THRAP3: variants seen among roughly 807,000 people sequenced by gnomAD.
THRAP3 encodes thyroid hormone receptor-associated protein 3.
THRAP3 carries 16 observed loss-of-function variants against 101.0 expected under a neutral mutation model. The observed-to-expected ratio is 0.16, with a 90% CI of 0.11 to 0.24. THRAP3 has a LOEUF of 0.24. Among genes scored for constraint, THRAP3 ranks in the 10% least tolerant of loss-of-function variants. THRAP3 has a pLI of 1.00. For synonymous variants in THRAP3, 407 were observed against 422.6 expected (o/e 0.96, Z 0.45); for missense variants, 989 against 1,202.7 (o/e 0.82, Z 2.63).
intron 2 of THRAP3, among the ~76,000 whole-genome samples, chr1:36,269,536 T>A (rs1329373678): frequency 6.6e-6 from 1 of 152,170 alleles, no homozygotes; most frequent in Non-Finnish European, 1.5e-5. Context: ...TGTTTGAGTT[T>A]GAGTTAGAAT....
chr1:36,303,690 G>A, intron 11 of THRAP3, 106 bp from the exon 12 acceptor site: 1 of 1,543,226 alleles, frequency 6.5e-7, no homozygotes, highest in Non-Finnish European at 8.7e-7. Flanking sequence ...GGCTGGGTTA[G>A]GGCACAGGTT....
chr1:36,295,560 C>T (rs1161001175), intron 8 of THRAP3, among the ~76,000 whole-genome samples: 1 of 145,666 alleles, frequency 6.9e-6, no homozygotes, highest in African/African-American at 2.8e-5. Flanking sequence ...TTCCTTCCTT[C>T]CTTCCTTCCT....
At chr1:36,281,422 C>G (rs2124579311) in intron 2 of THRAP3, among the ~76,000 whole-genome samples, 1 of 152,304 alleles carries the variant, frequency 6.6e-6, no homozygotes, top group South Asian at 2.1e-4. Context: ...TTAATAAGCA[C>G]CCTCATTCTT....
At chr1:36,226,573 T>C (rs1644964911) in intron 1 of THRAP3, among the ~76,000 whole-genome samples, 1 of 152,188 alleles carries the variant, frequency 6.6e-6, no homozygotes, top group African/African-American at 2.4e-5. Context: ...TTTATTATTT[T>C]TAGAATGGAT....
At chr1:36,235,674 G>A (rs1008209641) in intron 1 of THRAP3, among the ~76,000 whole-genome samples, 2 of 152,118 alleles carry the variant, frequency 1.3e-5, no homozygotes, top group Admixed American at 6.6e-5. Context: ...ATAAATTGCT[G>A]TAGACTTTTC....
the THRAP3 span, among the ~76,000 whole-genome samples, chr1:36,208,896 AG>A: frequency 7.1e-6 from 1 of 141,510 alleles, no homozygotes; most frequent in Non-Finnish European, 1.5e-5. Flanking sequence ...TGAACTCCTG[AG>A]TGCAAGTGAT....
At chr1:36,294,432 A>C (rs1570343972) in intron 8 of THRAP3, among the ~76,000 whole-genome samples, 1 of 152,330 alleles carries the variant, frequency 6.6e-6, no homozygotes, top group East Asian at 1.9e-4. Context: ...TTTAAAGCTA[A>C]AGATTACTTT....
chr1:36,279,740 C>T (rs1357547894), intron 2 of THRAP3, among the ~76,000 whole-genome samples: 1 of 152,154 alleles, frequency 6.6e-6, no homozygotes, highest in African/African-American at 2.4e-5. Flanking sequence ...GCTTGTTTCC[C>T]CTGTGAGATG....
intron 1 of THRAP3, among the ~76,000 whole-genome samples, chr1:36,254,631 G>A (rs1333474316): frequency 3.9e-5 from 6 of 152,178 alleles, no homozygotes. Context: ...TCCTGTCTTA[G>A]TGTGCAAGTA....
chr1:36,232,796 A>G (rs760301305), intron 1 of THRAP3, among the ~76,000 whole-genome samples: 4 of 152,008 alleles, frequency 2.6e-5, no homozygotes, highest in African/African-American at 9.7e-5. Flanking sequence ...GCAAGAGGGT[A>G]CTTTCTGGAG....
At chr1:36,243,438 G>A (rs1035177098) in intron 1 of THRAP3, among the ~76,000 whole-genome samples, 3 of 151,944 alleles carry the variant, frequency 2.0e-5, no homozygotes, top group African/African-American at 7.3e-5. Context: ...GTTTAACAAA[G>A]CACATCTTGC....
intron 10 of THRAP3, 25 bp downstream of exon 10, chr1:36,301,109 T>A: frequency 6.2e-7 from 1 of 1,608,780 alleles, no homozygotes; most frequent in Non-Finnish European, 8.5e-7. Flanking sequence ...TCTCCCCCTT[T>A]CTCTGAGACC....
intron 1 of THRAP3, among the ~76,000 whole-genome samples, chr1:36,259,181 C>T (rs984480123): frequency 1.3e-5 from 2 of 152,148 alleles, no homozygotes; most frequent in South Asian, 2.1e-4. Flanking sequence ...AAGGCTTTTG[C>T]TTTCCATACT....
intron 2 of THRAP3, among the ~76,000 whole-genome samples, chr1:36,264,475 C>T (rs887297277): frequency 1.3e-5 from 2 of 152,196 alleles, no homozygotes; most frequent in Non-Finnish European, 2.9e-5. Flanking sequence ...TACTTACTGC[C>T]GAACCTGGCC....
chr1:36,217,528 T>C, the THRAP3 span, among the ~76,000 whole-genome samples: 2 of 151,258 alleles, frequency 1.3e-5, no homozygotes, highest in Admixed American at 6.6e-5. Context: ...TTTGTAGATA[T>C]GGCATTTTTT....
intron 2 of THRAP3, among the ~76,000 whole-genome samples, chr1:36,277,159 G>A (rs540724532): frequency 3.8e-4 from 58 of 151,950 alleles, no homozygotes; most frequent in African/African-American, 1.3e-3. Flanking sequence ...AGTAGAGATA[G>A]GGTTTCACCA....
rs532301363 is a variant in THRAP3, at chr1:36,270,571, G to GTTTTTTTTTTTTTTTTT, written c.-32+11092_-32+11093insTTTTTTTTTTTTTTTTT. 2.2e-4 allele frequency among the ~76,000 whole-genome samples: 7 copies of GTTTTTTTTTTTTTTTTT among 31,870 alleles called. 2 individuals carry two copies. Among genetic ancestry groups the GTTTTTTTTTTTTTTTTT allele is most frequent in the African/African-American group, 2.1e-4 (3 of 14,164 alleles). 20.9% of individuals were successfully genotyped at this position (31,870 alleles called of 152,430 possible). A position where few individuals can be genotyped will look rare whatever the true frequency, so the allele number is the denominator to read the frequency against. ...TAAAAATACAGTTCTATTTGTTTAGGTTTTTGTTTTTTTTTTTTTTTTTGA... is the reference window on the plus strand; with the variant it reads ...TAAAAATACAGTTCTATTTGTTTAGGTTTTTTTTTTTTTTTTTTTTTTGTTTTTTTTTTTTTTTTTGA... On this transcript the variant is annotated intron_variant, in intron 2 of 11. Coordinates refer to ENST00000354618, the MANE Select transcript of THRAP3 (RefSeq NM_005119.4).
At chr1:36,292,323 G>A (rs887945209) in intron 6 of THRAP3, among the ~76,000 whole-genome samples, 20 of 124,586 alleles carry the variant, frequency 1.6e-4, no homozygotes, top group African/African-American at 5.9e-4. Context: ...CCAGGCTGGA[G>A]TGCAGTGGCG....
At chr1:36,234,854 G>A (rs1217908270) in intron 1 of THRAP3, among the ~76,000 whole-genome samples, 6 of 123,606 alleles carry the variant, frequency 4.9e-5, no homozygotes, top group African/African-American at 1.6e-4. Context: ...TCGCTCTGTC[G>A]CCTAGGTTGG....
Sources: allele counts gnomAD v4.1 joint callset (sites outside exome capture counted in the v4.1 genomes callset), GRCh38; gene constraint gnomAD v4.1.1; transcripts MANE v1.5; gene names NCBI Gene and HGNC (gene_info 2026-07-23, HGNC 2026-07-21).